Variants in CCDC60 observed in about 807,000 individuals in gnomAD.
The protein encoded by CCDC60 is coiled-coil domain-containing protein 60.
In CCDC60, 54 loss-of-function variants were observed where a neutral mutation model predicts 63.5. That is an observed-to-expected ratio of 0.85 (90% CI 0.68 to 1.07). The LOEUF is 1.07. Ranked by LOEUF, CCDC60 falls within the 50% of genes least tolerant of loss-of-function variation. CCDC60 has a pLI of 0.00. For synonymous variants in CCDC60, 206 were observed against 238.8 expected (o/e 0.86, Z 1.27); for missense variants, 651 against 684.3 (o/e 0.95, Z 0.54).
In CCDC60 at chr12:119,380,469, C is replaced by T. The variant is rs77192161; in HGVS notation, c.90+45203C>T. On this transcript the variant is annotated intron_variant, in intron 1 of 13. Coordinates refer to ENST00000327554, the MANE Select transcript of CCDC60 (RefSeq NM_178499.5). ...TCAAGAAAGTATAGTGAGAACCTGA[C>T]GTCGTAATATCTCAGAGTTGGAAGG... 4.7e-4 allele frequency among the ~76,000 whole-genome samples: 71 copies of T among 152,272 alleles called. No homozygotes were observed. In the East Asian group the frequency reaches 8.7e-3, roughly 19 times the overall value.
At chr12:119,455,990 AG>A (rs1210499009) in intron 2 of CCDC60, among the ~76,000 whole-genome samples, 43 of 43,670 alleles carry the variant, frequency 9.8e-4, no homozygotes, top group African/African-American at 6.3e-3. Flanking sequence ...AGAGAGAAAG[AG>A]AGAGAGAAAG....
Position 119,456,060 on chromosome 12 carries a change from A to AAAGAATGCAAGCAAGC in CCDC60, c.171-15931_171-15930insAATGCAAGCAAGCAAG, listed in dbSNP as rs1224088473. On this transcript the variant is annotated intron_variant, in intron 2 of 13. Coordinates refer to ENST00000327554, the MANE Select transcript of CCDC60 (RefSeq NM_178499.5). The surrounding 1 kb of genome is among the most constrained non-coding windows in gnomAD (Gnocchi z 4.6). ...GAAAGAAAGAAAGAAAGAAAGAAAGAAAGCAAGCAAGCATGTGCAATTTCA... is the reference window on the plus strand; with the variant it reads ...GAAAGAAAGAAAGAAAGAAAGAAAGAAAGAATGCAAGCAAGCAAGCAAGCAAGCATGTGCAATTTCA... Among the ~76,000 whole-genome samples the AAAGAATGCAAGCAAGC allele has an allele frequency of 8.4e-6, 1 of 118,784 alleles. No homozygotes were observed. Among genetic ancestry groups the AAAGAATGCAAGCAAGC allele is most frequent in the South Asian group, 3.1e-4 (1 of 3,276 alleles). The allele number at this position is 118,784 out of a possible 152,430, so 77.9% of individuals were successfully genotyped here.
intron 6 of CCDC60, among the ~76,000 whole-genome samples, chr12:119,501,847 A>G (rs1464037853): frequency 3.9e-5 from 6 of 152,004 alleles, no homozygotes. Flanking sequence ...AGCACGTTCC[A>G]CTCTGGGCAT....
chr12:119,407,945 G>A (rs750842750), intron 1 of CCDC60, among the ~76,000 whole-genome samples: 6 of 152,222 alleles, frequency 3.9e-5, no homozygotes, highest in Middle Eastern at 6.8e-3. Context: ...TGCCCAGGCC[G>A]TGGACAAAAA....
intron 1 of CCDC60, among the ~76,000 whole-genome samples, chr12:119,398,596 C>G (rs1956329903): frequency 6.6e-6 from 1 of 152,268 alleles, no homozygotes. Flanking sequence ...CTCAGCACCA[C>G]TGCTCTCTAT....
At chr12:119,469,630 T>G (rs1053588132) in intron 2 of CCDC60, among the ~76,000 whole-genome samples, 6 of 152,228 alleles carry the variant, frequency 3.9e-5, no homozygotes, top group Non-Finnish European at 8.8e-5. Context: ...GGTCCAGTGA[T>G]TTATTGCCCA....
chr12:119,451,292 G>A (rs1950630138), intron 2 of CCDC60, among the ~76,000 whole-genome samples: 1 of 152,190 alleles, frequency 6.6e-6, no homozygotes, highest in Admixed American at 6.5e-5. Context: ...CAAAGCCCCA[G>A]CTAAACATAT....
At chr12:119,454,381 T>C (rs1051160532) in intron 2 of CCDC60, among the ~76,000 whole-genome samples, 1 of 152,142 alleles carries the variant, frequency 6.6e-6, no homozygotes, top group African/African-American at 2.4e-5. Context: ...AAGCCATCAC[T>C]ATAGAGAGAA....
intron 1 of CCDC60, among the ~76,000 whole-genome samples, chr12:119,395,355 C>A (rs1050994697): frequency 3.9e-5 from 6 of 152,140 alleles, no homozygotes; most frequent in Non-Finnish European, 7.4e-5. Context: ...ACAGGCTGTA[C>A]AGGAAGCATG....
At chr12:119,488,668 G>A in intron 4 of CCDC60, 91 bp from the exon 5 acceptor site, 2 of 1,075,900 alleles carry the variant, frequency 1.9e-6, no homozygotes, top group Non-Finnish European at 2.8e-6. Flanking sequence ...CCCTCACTGG[G>A]AGCAAGTACC....
At chr12:119,386,618 G>A (rs940478848) in intron 1 of CCDC60, among the ~76,000 whole-genome samples, 2 of 152,138 alleles carry the variant, frequency 1.3e-5, no homozygotes, top group African/African-American at 4.8e-5. Flanking sequence ...TGGGCATAAT[G>A]ACCAGGTGGC....
chr12:119,378,089 G>A (rs543383255), intron 1 of CCDC60, among the ~76,000 whole-genome samples: 19 of 152,174 alleles, frequency 1.2e-4, no homozygotes, highest in Non-Finnish European at 1.8e-4. Context: ...CATAGAGCCC[G>A]AGAGATCAGT....
chr12:119,436,149 C>T (rs1716468), intron 2 of CCDC60, among the ~76,000 whole-genome samples: 84,714 of 151,994 alleles, frequency 0.56, 23,896 homozygotes, highest in East Asian at 0.75. Flanking sequence ...TACTTCTCAG[C>T]GGGAACAGCT....
chr12:119,464,360 CT>C (rs1335016838), intron 2 of CCDC60, among the ~76,000 whole-genome samples: 1 of 147,328 alleles, frequency 6.8e-6, no homozygotes, highest in African/African-American at 2.5e-5. Context: ...TCTTCCCTCC[CT>C]CCCATTTTCC....
At chr12:119,423,459 C>T (rs1241848104) in intron 1 of CCDC60, among the ~76,000 whole-genome samples, 1 of 152,194 alleles carries the variant, frequency 6.6e-6, no homozygotes, top group Non-Finnish European at 1.5e-5. Flanking sequence ...TCCCAGGGGC[C>T]CTTGCAGCTG....
intron 2 of CCDC60, among the ~76,000 whole-genome samples, chr12:119,449,244 G>C (rs192900697): frequency 2.7e-5 from 4 of 150,526 alleles, no homozygotes; most frequent in Admixed American, 2.0e-4. Flanking sequence ...CTTCCCTTTG[G>C]GGGGTTTAAA....
intron 1 of CCDC60, among the ~76,000 whole-genome samples, chr12:119,379,412 C>T (rs1293509704): frequency 3.9e-5 from 6 of 152,196 alleles, no homozygotes; most frequent in Admixed American, 3.9e-4. Context: ...TACTGCCATC[C>T]ATGAAGTTGA....
At chr12:119,458,363 T>C (rs1593117692) in intron 2 of CCDC60, among the ~76,000 whole-genome samples, 1 of 152,252 alleles carries the variant, frequency 6.6e-6, no homozygotes, top group Non-Finnish European at 1.5e-5. Flanking sequence ...TTCTTGTAGG[T>C]AGAGCTGGAA....
intron 2 of CCDC60, among the ~76,000 whole-genome samples, chr12:119,441,025 A>G (rs1566011237): frequency 6.6e-6 from 1 of 152,338 alleles, no homozygotes; most frequent in East Asian, 1.9e-4. Flanking sequence ...ACTATTTTAC[A>G]ATATGATCAT....
Sources: gnomAD v4.1 joint callset for allele counts (sites outside exome capture counted in the v4.1 genomes callset) on GRCh38, gnomAD v4.1.1 for gene constraint, Gnocchi (gnomAD v3.1) non-coding constraint, MANE v1.5 for transcripts, NCBI Gene and HGNC (gene_info 2026-07-23, HGNC 2026-07-21) for gene names.